RB1CC1: variants seen among roughly 807,000 people sequenced by gnomAD.
RB1CC1 encodes RB1 inducible coiled-coil 1, also known as RB1-inducible coiled-coil protein 1.
RB1CC1 carries 46 observed loss-of-function variants against 177.5 expected under a neutral mutation model. The observed-to-expected ratio is 0.26, with a 90% confidence interval of 0.20 to 0.33. The LOEUF is 0.33. RB1CC1 is among the 10% of genes least tolerant of loss of function. The probability of loss-of-function intolerance (pLI) is 1.00; values close to 1 mark genes in which losing one functional copy is unlikely to be tolerated. For synonymous variants in RB1CC1, 666 were observed against 613.6 expected (o/e 1.09, Z -1.26); for missense variants, 1,703 against 1,816.3 (o/e 0.94, Z 1.13).
rs148104209 is a variant in RB1CC1, at chr8:52,667,096, C to T, written c.1173+925G>A. The stretch of plus-strand genomic sequence containing the variant: ...CATACTAAAATTGCTAAAAACCAAA[C>T]AGAAGGAAAAGACCAAAAGTAAAAT... On this transcript the variant is annotated intron_variant, in intron 8 of 23. Coordinates refer to ENST00000025008, the MANE Select transcript of RB1CC1 (RefSeq NM_014781.5). Among the ~76,000 whole-genome samples, 3 of 152,130 alleles carry T rather than the reference C, an allele frequency of 2.0e-5. No homozygotes were observed. The East Asian group carries it at 5.8e-4, about 29-fold the overall frequency.
At chr8:52,649,862 T>C (rs1215161667) in intron 15 of RB1CC1, among the ~76,000 whole-genome samples, 3 of 152,190 alleles carry the variant, frequency 2.0e-5, no homozygotes, top group African/African-American at 7.2e-5. Context: ...AAACTAAACA[T>C]TTCAAAACTA....
Position 52,623,715 on chromosome 8 carries a change from T to C in RB1CC1, c.*67A>G. On this transcript the variant is annotated 3_prime_UTR_variant, in exon 24 of 24. Coordinates refer to ENST00000025008, the MANE Select transcript of RB1CC1 (RefSeq NM_014781.5). ...AAAAGATGGCCTGCTGTTTTTGGAG[T>C]GATGAATGAGCACTGCAGGACAAAT... 8.8e-7 allele frequency: 1 copy of C among 1,138,210 alleles called. No individual in the cohort carries two copies. Among genetic ancestry groups the C allele is most frequent in the African/African-American group, 1.5e-5 (1 of 65,564 alleles). 70.5% of individuals were successfully genotyped at this position (1,138,210 alleles called of 1,614,324 possible).
intron 8 of RB1CC1, among the ~76,000 whole-genome samples, chr8:52,665,955 T>A (rs939069977): frequency 1.1e-4 from 16 of 152,166 alleles, no homozygotes; most frequent in Non-Finnish European, 2.2e-4. Flanking sequence ...TGCGTTCAGA[T>A]CCTTAAAACC....
At chr8:52,642,151 T>C (rs1849639383) in intron 18 of RB1CC1, among the ~76,000 whole-genome samples, 200 bp downstream of exon 18, 1 of 152,142 alleles carries the variant, frequency 6.6e-6, no homozygotes, top group African/African-American at 2.4e-5. Flanking sequence ...GCACATACTT[T>C]GTATAGTATG....
intron 1 of RB1CC1, among the ~76,000 whole-genome samples, chr8:52,692,201 T>C (rs952035096): frequency 6.6e-6 from 1 of 152,190 alleles, no homozygotes; most frequent in Non-Finnish European, 1.5e-5. Flanking sequence ...AGGCATTTTC[T>C]TAACTTTGGG....
chr8:52,638,527 A>G (rs1849324858), intron 18 of RB1CC1, among the ~76,000 whole-genome samples: 1 of 152,082 alleles, frequency 6.6e-6, no homozygotes, highest in African/African-American at 2.4e-5. Flanking sequence ...ATTATAAAAA[A>G]CTGGCATTAT....
At chr8:52,680,603 A>G (rs961692206) in intron 5 of RB1CC1, among the ~76,000 whole-genome samples, 1 of 152,222 alleles carries the variant, frequency 6.6e-6, no homozygotes, top group African/African-American at 2.4e-5. Context: ...TAGGACATTC[A>G]CAGCAGGTTT....
chr8:52,673,130 G>C (rs576045424), intron 7 of RB1CC1, among the ~76,000 whole-genome samples: 1 of 152,014 alleles, frequency 6.6e-6, no homozygotes, highest in African/African-American at 2.4e-5. Flanking sequence ...ACTCTTCTTC[G>C]ACTGCATGCT....
chr8:52,628,195 A>T, intron 21 of RB1CC1, 27 bp from the exon 22 acceptor site: 1 of 1,593,340 alleles, frequency 6.3e-7, no homozygotes, highest in South Asian at 1.1e-5. Context: ...AATTTTATTG[A>T]CTTAGAGTTA....
chr8:52,705,863 C>A (rs1856497446), intron 1 of RB1CC1, among the ~76,000 whole-genome samples: 1 of 151,960 alleles, frequency 6.6e-6, no homozygotes, highest in African/African-American at 2.4e-5. Flanking sequence ...ATTACACAAC[C>A]CTATAAGGTA....
rs773203889 is a variant in RB1CC1 at position 52,634,173 on chromosome 8, T to C, written c.4440+748A>G. Among the ~76,000 whole-genome samples the C allele has an allele frequency of 4.1e-4, 63 of 151,924 alleles. 1 individual carries two copies. Among genetic ancestry groups the C allele is most frequent in the Non-Finnish European group, 1.8e-4 (12 of 67,972 alleles). ...AACAAATCAATAAAAACCAGGGCAA[T>C]TTACAGTACCACATGGGATCTCTTG... On this transcript the variant is annotated intron_variant, in intron 20 of 23. Transcript: ENST00000025008.
chr8:52,633,391 T>TTA (rs1440985034), intron 20 of RB1CC1, among the ~76,000 whole-genome samples: 2 of 152,178 alleles, frequency 1.3e-5, no homozygotes, highest in Non-Finnish European at 1.5e-5. Flanking sequence ...CAAACAGAGC[T>TTA]TATATTCTAT....
chr8:52,623,718 T>C lies in RB1CC1; in HGVS notation c.*64A>G, dbSNP rs1446348386. On this transcript the variant is annotated 3_prime_UTR_variant, in exon 24 of 24. Coordinates refer to ENST00000025008, the MANE Select transcript of RB1CC1 (RefSeq NM_014781.5). ...AGATGGCCTGCTGTTTTTGGAGTGA[T>C]GAATGAGCACTGCAGGACAAATCAG... is the stretch of plus-strand genomic sequence containing the variant. 4.2e-6 allele frequency: 5 copies of C among 1,184,578 alleles called. No homozygotes were observed. Among genetic ancestry groups the C allele is most frequent in the Non-Finnish European group, 6.3e-6 (5 of 794,250 alleles). 73.4% of individuals were successfully genotyped at this position (1,184,578 alleles called of 1,614,324 possible). A position where few individuals can be genotyped will look rare whatever the true frequency, so the allele number is the denominator to read the frequency against.
chr8:52,698,830 C>T (rs933280991), intron 1 of RB1CC1, among the ~76,000 whole-genome samples: 2 of 150,636 alleles, frequency 1.3e-5, no homozygotes, highest in South Asian at 2.1e-4. Flanking sequence ...GCTGGGACTA[C>T]AGGCGCCTGC....
intron 15 of RB1CC1, among the ~76,000 whole-genome samples, chr8:52,654,678 T>G (rs1850924223): frequency 6.6e-6 from 1 of 152,184 alleles, no homozygotes; most frequent in Non-Finnish European, 1.5e-5. Flanking sequence ...TGACATCTAT[T>G]CTTCTTGGGC....
At chr8:52,706,825 A>AT (rs1455525159) in intron 1 of RB1CC1, among the ~76,000 whole-genome samples, 6 of 151,152 alleles carry the variant, frequency 4.0e-5, no homozygotes, top group South Asian at 2.1e-4. Context: ...CACCCAGCTA[A>AT]TTTTTTTTGT....
In RB1CC1 at chr8:52,685,128, C is replaced by T. The variant is rs185446631; in HGVS notation, c.71+271G>A. The stretch of plus-strand genomic sequence containing the variant: ...AAGTGATTCTCCTGCCTCAGCCTCC[C>T]GATTAACTGGGACTACAGGCATGCG... On this transcript the variant is annotated intron_variant, in intron 3 of 23. Transcript: ENST00000025008. Among the ~76,000 whole-genome samples, 21 of 151,586 alleles carry T rather than the reference C, an allele frequency of 1.4e-4. No individual in the cohort carries two copies. The East Asian group carries it at 3.5e-3, about 25-fold the overall frequency.
intron 1 of RB1CC1, among the ~76,000 whole-genome samples, chr8:52,693,361 G>A (rs1855083594): frequency 6.6e-6 from 1 of 152,138 alleles, no homozygotes; most frequent in Non-Finnish European, 1.5e-5. Context: ...GAAAATTTTT[G>A]CAATCTATCC....
chr8:52,685,180 T>C (rs1046635986), intron 3 of RB1CC1, among the ~76,000 whole-genome samples: 9 of 151,980 alleles, frequency 5.9e-5, no homozygotes, highest in African/African-American at 2.2e-4. Context: ...ATTTTTGTAT[T>C]TTTAGTAGGA....
Sources: gnomAD v4.1 joint callset for allele counts (sites outside exome capture counted in the v4.1 genomes callset) on GRCh38, gnomAD v4.1.1 for gene constraint, MANE v1.5 for transcripts, NCBI Gene and HGNC (gene_info 2026-07-23, HGNC 2026-07-21) for gene names.